The following CNTNAP2 variants were observed in gnomAD, a reference collection of about 807,000 sequenced individuals.
CNTNAP2 encodes contactin associated protein 2.
CNTNAP2 carries 98 observed loss-of-function variants against 155.2 expected under a neutral mutation model. The ratio of observed to expected loss-of-function variants is 0.63; its 90% CI spans 0.54 to 0.75. CNTNAP2 has a LOEUF of 0.75. CNTNAP2 is among the 30% of genes least tolerant of loss of function. CNTNAP2 has a pLI of 0.00. For synonymous variants in CNTNAP2, 651 were observed against 631.2 expected (o/e 1.03, Z -0.47); for missense variants, 1,727 against 1,688.1 (o/e 1.02, Z -0.40).
intron 8 of CNTNAP2, among the ~76,000 whole-genome samples, chr7:147,235,287 T>C (rs769492550): frequency 2.0e-5 from 3 of 152,030 alleles, no homozygotes; most frequent in Non-Finnish European, 2.9e-5. Context: ...CTTGCGAGGT[T>C]CTGTGATTAC....
At chr7:146,600,361 C>T (rs541166113) in intron 1 of CNTNAP2, among the ~76,000 whole-genome samples, 71 of 151,908 alleles carry the variant, frequency 4.7e-4, no homozygotes, top group East Asian at 2.1e-3. Flanking sequence ...TCATTAGTAC[C>T]CAACTTAAAA....
At chr7:148,286,032 T>C (rs1797076034) in intron 21 of CNTNAP2, among the ~76,000 whole-genome samples, 1 of 152,160 alleles carries the variant, frequency 6.6e-6, no homozygotes, top group Non-Finnish European at 1.5e-5. Context: ...AGGAAAATCA[T>C]AGGAAAGATA....
In CNTNAP2 at chr7:148,214,422, ATCT is replaced by A. The variant is rs1353924041; in HGVS notation, c.3011-2862_3011-2860del. On this transcript the variant is annotated intron_variant, in intron 18 of 23. Transcript: ENST00000361727. ...CTCCCACAACCACTGCTAGATGGAA[ATCT>A]TCTCATGGGAAGTGATTGTATTTTG... is the stretch of plus-strand genomic sequence containing the variant. 2.0e-5 allele frequency among the ~76,000 whole-genome samples: 3 copies of A among 152,316 alleles called. No homozygotes were observed. The South Asian group carries it at 6.2e-4, about 32-fold the overall frequency.
At chr7:146,952,556 A>T (rs1323411786) in intron 3 of CNTNAP2, among the ~76,000 whole-genome samples, 1 of 152,188 alleles carries the variant, frequency 6.6e-6, no homozygotes, top group Non-Finnish European at 1.5e-5. Flanking sequence ...AATCTCCTGA[A>T]GCTGATAAGC....
At chr7:147,419,592 AG>A (rs1159898680) in intron 10 of CNTNAP2, among the ~76,000 whole-genome samples, 2 of 152,186 alleles carry the variant, frequency 1.3e-5, no homozygotes, top group Admixed American at 1.3e-4. Context: ...AGAAGGCAGA[AG>A]TTACAATATT....
At chr7:146,755,577 A>G (rs1801981863) in intron 1 of CNTNAP2, among the ~76,000 whole-genome samples, 1 of 152,022 alleles carries the variant, frequency 6.6e-6, no homozygotes, top group Non-Finnish European at 1.5e-5. Flanking sequence ...ACTACCCAAT[A>G]AGTGGAACTT....
chr7:147,805,321 G>A (rs144932161), intron 13 of CNTNAP2, among the ~76,000 whole-genome samples: 303 of 152,158 alleles, frequency 2.0e-3, no homozygotes, highest in African/African-American at 6.9e-3. Context: ...TTAATTAGTT[G>A]CAACTTAAAG....
chr7:148,115,532 G>T (rs1193013341), intron 15 of CNTNAP2, among the ~76,000 whole-genome samples: 2 of 152,180 alleles, frequency 1.3e-5, no homozygotes, highest in Non-Finnish European at 2.9e-5. Context: ...CAATTAGGAT[G>T]AGCTGAATCC....
intron 3 of CNTNAP2, among the ~76,000 whole-genome samples, chr7:146,876,124 CAAATA>C (rs1285347807): frequency 6.6e-6 from 1 of 151,702 alleles, no homozygotes; most frequent in Non-Finnish European, 1.5e-5. Flanking sequence ...TTGACAGATC[CAAATA>C]AAATAATTAA....
chr7:146,159,466 A>T (rs1292685922), intron 1 of CNTNAP2, among the ~76,000 whole-genome samples: 1 of 152,148 alleles, frequency 6.6e-6, no homozygotes, highest in East Asian at 1.9e-4. Flanking sequence ...AAGAGTCAAG[A>T]CCCATCAGTG....
intron 4 of CNTNAP2, among the ~76,000 whole-genome samples, chr7:147,052,116 C>A (rs1026609061): frequency 1.2e-4 from 19 of 152,064 alleles, no homozygotes; most frequent in African/African-American, 4.1e-4. Flanking sequence ...TTTCAAGATT[C>A]AGTTGAAATG....
At chr7:148,215,708 T>G (rs1795627436) in intron 18 of CNTNAP2, among the ~76,000 whole-genome samples, 1 of 152,148 alleles carries the variant, frequency 6.6e-6, no homozygotes, top group Admixed American at 6.5e-5. Context: ...TTATATAGTT[T>G]ACTTAATCCT....
At chr7:147,635,184 C>CTATATATATATATATATATATATATATA (rs57395379) in intron 12 of CNTNAP2, among the ~76,000 whole-genome samples, 44 of 137,132 alleles carry the variant, frequency 3.2e-4, no homozygotes, top group Admixed American at 9.8e-4. Context: ...CACTGGCAAA[C>CTATATATATATATATATATATATATATA]TATATATATA....
intron 10 of CNTNAP2, among the ~76,000 whole-genome samples, chr7:147,472,076 G>A (rs778672093): frequency 1.4e-4 from 22 of 152,264 alleles, no homozygotes; most frequent in African/African-American, 4.6e-4. Flanking sequence ...TTGCTTCTTC[G>A]TGGGTTATGC....
At chr7:146,566,559 T>C (rs1798359335) in intron 1 of CNTNAP2, among the ~76,000 whole-genome samples, 1 of 151,916 alleles carries the variant, frequency 6.6e-6, no homozygotes, top group African/African-American at 2.4e-5. Context: ...TAGCTGGGCG[T>C]GGTGGCAGGC....
chr7:146,246,677 G>GAATC (rs1174489156), intron 1 of CNTNAP2, among the ~76,000 whole-genome samples: 1 of 150,764 alleles, frequency 6.6e-6, no homozygotes, highest in African/African-American at 2.5e-5. Flanking sequence ...ATCTGGGAAG[G>GAATC]AGTCAGAGAG....
At chr7:146,612,342 G>A (rs1228502393) in intron 1 of CNTNAP2, among the ~76,000 whole-genome samples, 1 of 152,154 alleles carries the variant, frequency 6.6e-6, no homozygotes, top group Admixed American at 6.5e-5. Flanking sequence ...ACAAGAAGAT[G>A]TGAAAGATTA....
intron 13 of CNTNAP2, among the ~76,000 whole-genome samples, chr7:147,673,928 T>A (rs905831839): frequency 6.6e-6 from 1 of 152,156 alleles, no homozygotes; most frequent in Non-Finnish European, 1.5e-5. Context: ...GGGGCTTTTT[T>A]AAAAATTCAA....
intron 12 of CNTNAP2, among the ~76,000 whole-genome samples, chr7:147,587,761 T>C (rs911829053): frequency 6.6e-6 from 1 of 152,218 alleles, no homozygotes; most frequent in Non-Finnish European, 1.5e-5. Context: ...TGGAACCTTA[T>C]GAGAGAGAAC....
Sources: gnomAD v4.1 joint callset for allele counts (sites outside exome capture counted in the v4.1 genomes callset) on GRCh38, gnomAD v4.1.1 for gene constraint, MANE v1.5 for transcripts, NCBI Gene and HGNC (gene_info 2026-07-23, HGNC 2026-07-21) for gene names.